The following CACNA1A variants were observed in gnomAD, a reference collection of about 807,000 sequenced individuals.
CACNA1A encodes calcium voltage-gated channel subunit alpha1 A, also known as voltage-dependent P/Q-type calcium channel subunit alpha-1A.
A neutral mutation model predicts 262.4 loss-of-function variants in CACNA1A; 57 were observed. The ratio of observed to expected loss-of-function variants is 0.22; its 90% CI spans 0.18 to 0.27. The LOEUF (loss-of-function observed/expected upper bound fraction) is 0.27, where lower values mean the gene tolerates loss of function less well. CACNA1A is among the 10% of genes least tolerant of loss of function. The probability of loss-of-function intolerance (pLI) is 1.00; values close to 1 mark genes in which losing one functional copy is unlikely to be tolerated. For synonymous variants in CACNA1A, 1,431 were observed against 1,419.3 expected (o/e 1.01, Z -0.18); for missense variants, 2,526 against 3,562.8 (o/e 0.71, Z 7.41).
In CACNA1A at chr19:13,283,314, C is replaced by G; in HGVS notation, c.3775G>C (p.Ala1259Pro). 1 of 1,613,922 alleles carries G rather than the reference C, an allele frequency of 6.2e-7. No individual in the cohort carries two copies. The highest frequency in any genetic ancestry group is 8.5e-7 in the Non-Finnish European group (1 of 1,179,850). The change falls in exon 22 of 47, where the codon GCC (alanine) becomes CCC (proline). Residue 1259 changes from alanine to proline, a missense_variant. Physicochemically the swap from Ala to Pro is conservative, Grantham distance 27 (BLOSUM62 -1). This residue lies in a region of CACNA1A where 137 missense variants were observed against 377.7 expected (regional missense o/e 0.36). Transcript: ENST00000360228. ...TGCACAGGGTCCTCGGCGGCCAGGG[C>G]GATGCTGCTCATGGCAATGACCATG... is the stretch of plus-strand genomic sequence containing the variant. Reference protein sequence around the residue: ...ILMVIAMSSIALAAEDPVQPN... With the variant: ...ILMVIAMSSIPLAAEDPVQPN...
intron 19 of CACNA1A, among the ~76,000 whole-genome samples, chr19:13,295,495 C>CT (rs199565067): frequency 0.19 from 26,104 of 140,966 alleles, 2,377 homozygotes; most frequent in East Asian, 0.25. Context: ...TTCTTTCTTT[C>CT]TTTTTTTTTT....
rs115452236 is a variant in CACNA1A at position 13,308,128 on chromosome 19, G to A, written c.1905C>T (p.Phe635=). ...VVFALLGMQL[F]GGQFNFDEGT... is the part of the protein sequence containing the mutation. ...TCCTGTGAAGGACTTACTGGCCGCC[G>A]AAGAGTTGCATTCCCAAAAGGGCGA... Residue 635 remains phenylalanine, a synonymous_variant, in exon 14 of 47, where the codon TTC becomes TTT. Coordinates refer to ENST00000360228, the MANE Select transcript of CACNA1A (RefSeq NM_001127222.2). The surrounding 1 kb of genome is among the most constrained non-coding windows in gnomAD (Gnocchi z 4.2). 6.3e-5 allele frequency: 102 copies of A among 1,613,972 alleles called. No individual in the cohort carries two copies. The African/African-American group carries it at 8.7e-4, about 14-fold the overall frequency.
At position 13,352,679 on chromosome 19, in the gene CACNA1A, G is replaced by A. The variant is rs546658076; in HGVS notation, c.978+6927C>T. Among the ~76,000 whole-genome samples the A allele has an allele frequency of 2.3e-3, 355 of 152,284 alleles. 2 individuals carry two copies. The highest frequency in any genetic ancestry group is 5.8e-3 in the Admixed American group (88 of 15,284). ...CACTGTTCTCCATGCTGGGAATGCT[G>A]TTTCCAAAACATCTGCCTGGCTTCC... On this transcript the variant is annotated intron_variant, in intron 6 of 46. Transcript: ENST00000360228.
At chr19:13,441,987 T>C (rs1486171333) in intron 3 of CACNA1A, among the ~76,000 whole-genome samples, 1 of 152,136 alleles carries the variant, frequency 6.6e-6, no homozygotes, top group Non-Finnish European at 1.5e-5. Context: ...CATCTGGCCT[T>C]TACTCAGTCC....
chr19:13,349,858 T>A (rs144823263), intron 6 of CACNA1A, among the ~76,000 whole-genome samples: 1 of 152,200 alleles, frequency 6.6e-6, no homozygotes, highest in African/African-American at 2.4e-5. Context: ...CAAAACAGGG[T>A]GGCACAGAGG....
chr19:13,218,990 T>A (rs2055120684), intron 38 of CACNA1A, among the ~76,000 whole-genome samples: 1 of 151,588 alleles, frequency 6.6e-6, no homozygotes, highest in African/African-American at 2.4e-5. Flanking sequence ...CGCCTTGCCC[T>A]CCCAAAGTGC....
intron 3 of CACNA1A, among the ~76,000 whole-genome samples, chr19:13,399,899 G>A (rs1478519246): frequency 2.0e-5 from 3 of 152,116 alleles, no homozygotes; most frequent in Admixed American, 6.5e-5. Flanking sequence ...GGGAAGCTAC[G>A]TAACTCAAAA....
chr19:13,358,770 G>C (rs953198580), intron 6 of CACNA1A, among the ~76,000 whole-genome samples: 1 of 152,102 alleles, frequency 6.6e-6, no homozygotes, highest in African/African-American at 2.4e-5. Flanking sequence ...ATATTGAAAA[G>C]GTAACTAAAT....
intron 3 of CACNA1A, among the ~76,000 whole-genome samples, chr19:13,391,829 G>A (rs2059715165): frequency 6.6e-6 from 1 of 152,152 alleles, no homozygotes; most frequent in South Asian, 2.1e-4. Context: ...TTGAGCCCAA[G>A]AGTTCAAGAC....
At chr19:13,427,903 G>A (rs2060433636) in intron 3 of CACNA1A, among the ~76,000 whole-genome samples, 1 of 152,070 alleles carries the variant, frequency 6.6e-6, no homozygotes, top group Admixed American at 6.5e-5. Flanking sequence ...ACCTCTCTGG[G>A]CATCGGTTTC....
chr19:13,440,657 G>A (rs1659956090), intron 3 of CACNA1A, among the ~76,000 whole-genome samples: 1 of 152,190 alleles, frequency 6.6e-6, no homozygotes, highest in African/African-American at 2.4e-5. Context: ...TTCCACAGAT[G>A]AGGAAGCTGA....
intron 1 of CACNA1A, among the ~76,000 whole-genome samples, chr19:13,461,067 C>A (rs575730856): frequency 4.6e-5 from 7 of 152,084 alleles, no homozygotes; most frequent in African/African-American, 7.2e-5. Context: ...GGGCCTGGTG[C>A]GGTGGCTCAC....
intron 3 of CACNA1A, among the ~76,000 whole-genome samples, chr19:13,432,167 C>A (rs2060518933): frequency 1.3e-5 from 2 of 148,904 alleles, no homozygotes; most frequent in South Asian, 4.2e-4. Context: ...GTAATCTCAG[C>A]ACTTTGGGAG....
At chr19:13,492,782 C>A (rs940308301) in intron 1 of CACNA1A, among the ~76,000 whole-genome samples, 2 of 152,144 alleles carry the variant, frequency 1.3e-5, no homozygotes, top group Non-Finnish European at 2.9e-5. Flanking sequence ...AACCTTGTCA[C>A]CTCCCTGCCC....
At chr19:13,281,614 C>G (rs1298879521) in intron 22 of CACNA1A, among the ~76,000 whole-genome samples, 1 of 151,460 alleles carries the variant, frequency 6.6e-6, no homozygotes, top group African/African-American at 2.4e-5. Context: ...CCCCTCCTGT[C>G]GTGACAACCA....
At chr19:13,259,848 C>G in intron 26 of CACNA1A, 147 bp from the exon 27 acceptor site, 1 of 753,366 alleles carries the variant, frequency 1.3e-6, no homozygotes, top group Non-Finnish European at 2.2e-6. Flanking sequence ...ATCCTGCCAC[C>G]ATGTGTTCCT....
chr19:13,461,340 A>AAAAACAAAACAAAACAAAACAAAAC (rs59561044), intron 1 of CACNA1A, among the ~76,000 whole-genome samples: 11 of 148,194 alleles, frequency 7.4e-5, no homozygotes, highest in African/African-American at 2.3e-4. Context: ...ACTCCGTCTC[A>AAAAACAAAACAAAACAAAACAAAAC]AAAACAAAAC....
chr19:13,275,923 C>T lies in CACNA1A; in HGVS notation c.3916G>A (p.Ala1306Thr). ...IDLGLVLHQG[A>T]YFRDLWNILD... ...ATATTCCAGAGGTCACGGAAGTAGG[C>T]ACCCTGATGCAGGACGAGCCCCAGG... Residue 1306 changes from alanine to threonine, a missense_variant, in exon 24 of 47, where the codon GCC becomes ACC. Around this residue, in one of 17 missense-constraint regions of CACNA1A, gnomAD observed 137 missense variants for 377.7 expected, o/e 0.36. Transcript: ENST00000360228. 1 of 1,613,704 alleles carries T rather than the reference C, an allele frequency of 6.2e-7. No homozygotes were observed. Among genetic ancestry groups the T allele is most frequent in the Non-Finnish European group, 8.5e-7 (1 of 1,179,666 alleles).
intron 19 of CACNA1A, among the ~76,000 whole-genome samples, chr19:13,297,831 A>T (rs2057695419): frequency 6.9e-6 from 1 of 144,130 alleles, no homozygotes; most frequent in Admixed American, 6.9e-5. Context: ...AACATACAGC[A>T]TTTTTTTTTT....
Sources: gnomAD v4.1 joint callset for allele counts (sites outside exome capture counted in the v4.1 genomes callset) on GRCh38, gnomAD v4.1.1 for gene constraint, gnomAD v4.1.1 regional missense constraint, Gnocchi (gnomAD v3.1) non-coding constraint, MANE v1.5 for transcripts, NCBI Gene and HGNC (gene_info 2026-07-23, HGNC 2026-07-21) for gene names.